LMNTD1: variants seen among roughly 807,000 people sequenced by gnomAD.
LMNTD1 encodes lamin tail domain-containing protein 1.
LMNTD1 carries 35 observed loss-of-function variants against 50.9 expected under a neutral mutation model. The ratio of observed to expected loss-of-function variants is 0.69; its 90% CI spans 0.53 to 0.91. The LOEUF is 0.91. LMNTD1 is among the 40% of genes least tolerant of loss of function. LMNTD1 has a pLI of 0.00. For missense variants in LMNTD1, 470 were observed against 475.5 expected (o/e 0.99, Z 0.11); for synonymous variants, 153 against 161.9 (o/e 0.94, Z 0.42).
chr12:25,586,509 C>T (rs888565839), intron 1 of LMNTD1, among the ~76,000 whole-genome samples: 2 of 152,094 alleles, frequency 1.3e-5, no homozygotes, highest in Non-Finnish European at 2.9e-5. Flanking sequence ...TTTTCTCCTC[C>T]CAGTTTACCT....
chr12:25,552,449 A>G (rs1223480625), intron 2 of LMNTD1, among the ~76,000 whole-genome samples: 1 of 151,980 alleles, frequency 6.6e-6, no homozygotes, highest in East Asian at 1.9e-4. Context: ...TACTAAAAAT[A>G]CAAAAAATTA....
intron 1 of LMNTD1, among the ~76,000 whole-genome samples, chr12:25,627,999 A>T (rs982969729): frequency 6.7e-6 from 1 of 149,746 alleles, no homozygotes; most frequent in Non-Finnish European, 1.5e-5. Context: ...TCCCAGCTAC[A>T]CGGGAGGCTG....
At chr12:25,574,772 T>G (rs761946537) in intron 1 of LMNTD1, among the ~76,000 whole-genome samples, 2 of 152,288 alleles carry the variant, frequency 1.3e-5, no homozygotes, top group Non-Finnish European at 2.9e-5. Context: ...AGCATCTTTA[T>G]TCCTTCTCCA....
intron 1 of LMNTD1, among the ~76,000 whole-genome samples, chr12:25,619,252 C>CTCTCTCTCTATA (rs1374134268): frequency 2.1e-4 from 18 of 84,446 alleles, no homozygotes; most frequent in East Asian, 2.1e-3. Flanking sequence ...CTCTCTCTCT[C>CTCTCTCTCTATA]TATATATATA....
chr12:25,646,798 C>T (rs1947081918), intron 1 of LMNTD1, among the ~76,000 whole-genome samples: 1 of 152,176 alleles, frequency 6.6e-6, no homozygotes, highest in African/African-American at 2.4e-5. Flanking sequence ...AGGTAAGGAT[C>T]TATTGGAGCT....
chr12:25,532,684 T>C lies in LMNTD1; in HGVS notation c.492-5729A>G, dbSNP rs539764124. The stretch of plus-strand genomic sequence containing the variant: ...CCTACATTGTATGAGAATGCCTTTT[T>C]TACAGAGGTTCACTTTTGAACAATT... On this transcript the variant is annotated intron_variant, in intron 4 of 9. Transcript: ENST00000458174. Among the ~76,000 whole-genome samples, 5 of 152,308 alleles carry C rather than the reference T, an allele frequency of 3.3e-5. No homozygotes were observed. The South Asian group carries it at 1.0e-3, about 32-fold the overall frequency.
chr12:25,531,914 C>A (rs1302759658), intron 4 of LMNTD1, among the ~76,000 whole-genome samples: 3 of 152,068 alleles, frequency 2.0e-5, no homozygotes, highest in Admixed American at 2.0e-4. Context: ...AATGTTAAAC[C>A]CACCTACTGA....
chr12:25,559,625 T>A (rs1003432637), intron 1 of LMNTD1, among the ~76,000 whole-genome samples: 4 of 152,334 alleles, frequency 2.6e-5, no homozygotes, highest in Middle Eastern at 3.4e-3. Flanking sequence ...CACCACACTG[T>A]CTTCCACAAT....
At position 25,503,756 on chromosome 12, in the gene LMNTD1, C is replaced by G. The variant is rs542419456; in HGVS notation, c.*4G>C. 6.3e-7 allele frequency: 1 copy of G among 1,578,066 alleles called. No homozygotes were observed. The highest frequency in any genetic ancestry group is 2.2e-5 in the East Asian group (1 of 44,574). ...TACTTACCTTTAAAGGTTGAGTTGA[C>G]TGCTTATTGCTTTTGTGACTCAGAT... is the stretch of plus-strand genomic sequence containing the variant. On this transcript the variant is annotated 3_prime_UTR_variant, in exon 9 of 10. Transcript: ENST00000458174.
chr12:25,597,095 A>C (rs929992701), intron 1 of LMNTD1, among the ~76,000 whole-genome samples: 10 of 152,124 alleles, frequency 6.6e-5, no homozygotes, highest in Admixed American at 6.6e-4. Flanking sequence ...AAACTAAATC[A>C]TATCACCAGA....
chr12:25,539,919 A>G (rs1011744582), intron 4 of LMNTD1, among the ~76,000 whole-genome samples: 2 of 151,772 alleles, frequency 1.3e-5, no homozygotes, highest in Non-Finnish European at 1.5e-5. Flanking sequence ...CAGGAATACA[A>G]ACTACCATCA....
In LMNTD1 at chr12:25,497,149, AAT is replaced by A. The variant is rs577151682; in HGVS notation, c.*22+6587_*22+6588del. ...TTTCTATTTTTGGGCTTTTGTGAAT[AAT>A]AGTCTATGAACACTAGTACAAAAGT... On this transcript the variant is annotated intron_variant, in intron 9 of 9. Transcript: ENST00000458174. Among the ~76,000 whole-genome samples the A allele has an allele frequency of 3.2e-3, 480 of 152,236 alleles. 4 individuals carry two copies. The highest frequency in any genetic ancestry group is 0.011 in the African/African-American group (466 of 41,538).
intron 4 of LMNTD1, among the ~76,000 whole-genome samples, chr12:25,545,714 A>T (rs890341555): frequency 6.6e-6 from 1 of 151,624 alleles, no homozygotes; most frequent in African/African-American, 2.4e-5. Flanking sequence ...TTAAATTGTA[A>T]TAGGGCATGG....
chr12:25,552,573 CTCTG>C (rs1432910974), intron 2 of LMNTD1, among the ~76,000 whole-genome samples: 7 of 47,644 alleles, frequency 1.5e-4, no homozygotes, highest in Non-Finnish European at 3.8e-4. Flanking sequence ...CGCCACTGCA[CTCTG>C]TCTGAAAAAA....
intron 9 of LMNTD1, among the ~76,000 whole-genome samples, chr12:25,490,241 A>G (rs1382555532): frequency 6.6e-6 from 1 of 152,258 alleles, no homozygotes; most frequent in Non-Finnish European, 1.5e-5. Flanking sequence ...GATATTCACA[A>G]TGGGTTTTTT....
At chr12:25,535,992 T>TCA (rs947741242) in intron 4 of LMNTD1, among the ~76,000 whole-genome samples, 41 of 81,248 alleles carry the variant, frequency 5.0e-4, no homozygotes, top group African/African-American at 1.5e-3. Context: ...GAAAGTCATT[T>TCA]CATAATGATA....
intron 9 of LMNTD1, among the ~76,000 whole-genome samples, chr12:25,488,076 C>T (rs1938724882): frequency 6.7e-6 from 1 of 148,274 alleles, no homozygotes; most frequent in African/African-American, 2.5e-5. Flanking sequence ...TTTTTTCCTT[C>T]ATTTCAACTT....
At chr12:25,533,095 T>C (rs1024670645) in intron 4 of LMNTD1, among the ~76,000 whole-genome samples, 1 of 152,196 alleles carries the variant, frequency 6.6e-6, no homozygotes, top group Admixed American at 6.5e-5. Flanking sequence ...ATACATAGAA[T>C]AAATGTTCTT....
intron 1 of LMNTD1, among the ~76,000 whole-genome samples, chr12:25,591,001 T>C (rs935198417): frequency 3.3e-5 from 5 of 152,144 alleles, no homozygotes; most frequent in Non-Finnish European, 4.4e-5. Context: ...ACATGCTGCA[T>C]TGGCTACAGA....
Sources: allele counts gnomAD v4.1 joint callset (sites outside exome capture counted in the v4.1 genomes callset), GRCh38; gene constraint gnomAD v4.1.1; transcripts MANE v1.5; gene names NCBI Gene and HGNC (gene_info 2026-07-23, HGNC 2026-07-21).